Variants in SLC44A1 observed in about 807,000 individuals in gnomAD.
SLC44A1 encodes solute carrier family 44 member 1.
Under a neutral mutation model 79.3 loss-of-function variants are expected in SLC44A1, and 26 were observed. The observed-to-expected ratio is 0.33, with a 90% CI of 0.24 to 0.46. SLC44A1 has a LOEUF of 0.46. Ranked by LOEUF, SLC44A1 falls within the 20% of genes least tolerant of loss-of-function variation. SLC44A1 has a pLI of 1.00. For missense variants in SLC44A1, 688 were observed against 798.1 expected, an observed-to-expected ratio of 0.86 and a Z score of 1.66; for synonymous variants, 263 against 286.2, an observed-to-expected ratio of 0.92 and a Z score of 0.82.
chr9:105,298,714 C>G (rs1331950589), intron 1 of SLC44A1, among the ~76,000 whole-genome samples: 2 of 152,158 alleles, frequency 1.3e-5, no homozygotes, highest in Non-Finnish European at 2.9e-5. Flanking sequence ...ACAGCACATT[C>G]TAACTTTTTT....
At chr9:105,348,484 CTG>C (rs1827307125) in intron 5 of SLC44A1, 33 bp downstream of exon 5, 1 of 1,304,594 alleles carries the variant, frequency 7.7e-7, no homozygotes, top group Admixed American at 1.7e-5. Flanking sequence ...TAACTTGTGA[CTG>C]TTGTTTTTGT....
intron 2 of SLC44A1, among the ~76,000 whole-genome samples, chr9:105,300,762 C>T (rs1359662576): frequency 1.3e-5 from 2 of 149,512 alleles, no homozygotes; most frequent in Non-Finnish European, 1.5e-5. Context: ...GTTTATGCAG[C>T]GTGTGGAGAA....
chr9:105,334,307 C>T (rs979960172), intron 3 of SLC44A1, among the ~76,000 whole-genome samples: 13 of 151,054 alleles, frequency 8.6e-5, no homozygotes, highest in South Asian at 4.2e-4. Context: ...CCCCTTGCTG[C>T]GCTGAAGTGT....
At chr9:105,384,260 T>C (rs1362627369) in intron 14 of SLC44A1, among the ~76,000 whole-genome samples, 1 of 152,056 alleles carries the variant, frequency 6.6e-6, no homozygotes, top group Non-Finnish European at 1.5e-5. Flanking sequence ...GTCTTGGCTC[T>C]GCAACCTCTA....
At chr9:105,327,814 G>A (rs182109768) in intron 3 of SLC44A1, among the ~76,000 whole-genome samples, 4 of 152,198 alleles carry the variant, frequency 2.6e-5, no homozygotes, top group South Asian at 4.1e-4. Context: ...AATGGGGTAC[G>A]TTTGATGCCT....
intron 1 of SLC44A1, among the ~76,000 whole-genome samples, chr9:105,285,857 G>C (rs1830462049): frequency 6.6e-6 from 1 of 152,210 alleles, no homozygotes. Flanking sequence ...TATACGTGCA[G>C]GTCACAGGGG....
intron 1 of SLC44A1, among the ~76,000 whole-genome samples, chr9:105,272,755 G>C (rs992550663): frequency 5.9e-5 from 9 of 152,060 alleles, no homozygotes; most frequent in Non-Finnish European, 1.0e-4. Flanking sequence ...CTACTGGTCA[G>C]TTGAAAAAAT....
intron 15 of SLC44A1, chr9:105,386,828 G>C (rs1268084642): frequency 4.3e-5 from 6 of 139,084 alleles, no homozygotes; most frequent in Admixed American, 3.8e-4. Context: ...TTTGAGACCA[G>C]CCTGGGCAAA....
chr9:105,352,149 G>A (rs757345806), intron 5 of SLC44A1, among the ~76,000 whole-genome samples: 1 of 152,126 alleles, frequency 6.6e-6, no homozygotes, highest in African/African-American at 2.4e-5. Context: ...GGTGAAAGAA[G>A]AGAAAAAAGA....
intron 1 of SLC44A1, among the ~76,000 whole-genome samples, chr9:105,287,360 A>G (rs1426563781): frequency 6.6e-6 from 1 of 152,222 alleles, no homozygotes; most frequent in African/African-American, 2.4e-5. Context: ...GAAAGTTACT[A>G]TTAATTTGTT....
chr9:105,306,548 C>T (rs1271655360), intron 2 of SLC44A1, among the ~76,000 whole-genome samples: 1 of 146,176 alleles, frequency 6.8e-6, no homozygotes, highest in Non-Finnish European at 1.5e-5. Flanking sequence ...TATTATTCTC[C>T]TTGCCCACCC....
chr9:105,365,887 C>T (rs1371233534), intron 11 of SLC44A1, among the ~76,000 whole-genome samples: 1 of 152,196 alleles, frequency 6.6e-6, no homozygotes, highest in Non-Finnish European at 1.5e-5. Flanking sequence ...ACATACCTTC[C>T]TCCTTAGAAC....
intron 1 of SLC44A1, among the ~76,000 whole-genome samples, chr9:105,268,547 A>G (rs996810000): frequency 2.6e-5 from 4 of 151,886 alleles, no homozygotes; most frequent in Non-Finnish European, 4.4e-5. Context: ...CTTGTTGCCC[A>G]GGCTGGAATG....
chr9:105,318,636 A>G (rs1826281258), intron 3 of SLC44A1, among the ~76,000 whole-genome samples: 1 of 152,286 alleles, frequency 6.6e-6, no homozygotes, highest in African/African-American at 2.4e-5. Flanking sequence ...AACTCTTTAC[A>G]AAGGTAACAT....
intron 1 of SLC44A1, among the ~76,000 whole-genome samples, chr9:105,253,560 C>G (rs916820194): frequency 6.6e-6 from 1 of 152,090 alleles, no homozygotes; most frequent in Non-Finnish European, 1.5e-5. Context: ...AGACCCATCT[C>G]TACAAAAAAT....
At chr9:105,373,389 G>A (rs566392153) in intron 12 of SLC44A1, among the ~76,000 whole-genome samples, 1 of 152,244 alleles carries the variant, frequency 6.6e-6, no homozygotes, top group African/African-American at 2.4e-5. Flanking sequence ...AAACATCAAT[G>A]CTGTTCTAGA....
intron 12 of SLC44A1, among the ~76,000 whole-genome samples, chr9:105,373,180 T>C (rs1037272242): frequency 1.5e-4 from 23 of 152,220 alleles, no homozygotes; most frequent in African/African-American, 4.6e-4. Context: ...TAAAGCTTTA[T>C]AGACAACACA....
Position 105,394,492 on chromosome 9 carries a change from G to C in SLC44A1, c.*5436G>C, listed in dbSNP as rs1215284111. On this transcript the variant is annotated 3_prime_UTR_variant, in exon 16 of 16. Coordinates refer to ENST00000374720, the MANE Select transcript of SLC44A1 (RefSeq NM_080546.5). ...GCGGTTATTTGGGGGCAAGGTACCA[G>C]ATTATTTGCAGTGAGCCAAAAAAAA... 1.5e-5 allele frequency: 14 copies of C among 959,314 alleles called. No homozygotes were observed. The highest frequency in any genetic ancestry group is 1.9e-5 in the African/African-American group (1 of 51,450). 59.4% of individuals were successfully genotyped at this position (959,314 alleles called of 1,614,324 possible).
chr9:105,349,979 A>G (rs571419926), intron 5 of SLC44A1, among the ~76,000 whole-genome samples: 21 of 152,288 alleles, frequency 1.4e-4, no homozygotes, highest in African/African-American at 4.8e-4. Context: ...TGGTACACAC[A>G]TGCATCTCAC....
Sources: allele counts gnomAD v4.1 joint callset (sites outside exome capture counted in the v4.1 genomes callset), GRCh38; gene constraint gnomAD v4.1.1; transcripts MANE v1.5; gene names NCBI Gene and HGNC (gene_info 2026-07-23, HGNC 2026-07-21).